KLF12: variants seen among roughly 807,000 people sequenced by gnomAD.
The protein encoded by KLF12 is Krueppel-like factor 12.
A neutral mutation model predicts 37.8 loss-of-function variants in KLF12; 9 were observed. That is an observed-to-expected ratio of 0.24 (90% CI 0.14 to 0.42). KLF12 has a LOEUF of 0.42. Ranked by LOEUF, KLF12 falls within the 10% of genes least tolerant of loss-of-function variation. The pLI is 1.00. For missense variants in KLF12, 411 were observed against 516.0 expected (o/e 0.80, Z 1.97); for synonymous variants, 208 against 202.1 (o/e 1.03, Z -0.25).
In KLF12 at chr13:73,714,760, C is replaced by T. The variant is rs537054710; in HGVS notation, c.1027+608G>A. ...TAAGTGCAGAGTCACCAGTTCATTT[C>T]CTAGATGGATGGGGGAACAGTGGCA... is the stretch of plus-strand genomic sequence containing the variant. On this transcript the variant is annotated intron_variant, in intron 7 of 7. Transcript: ENST00000377669. Among the ~76,000 whole-genome samples the T allele has an allele frequency of 3.3e-5, 5 of 152,138 alleles. No individual in the cohort carries two copies. In the South Asian group the frequency reaches 1.0e-3, roughly 32 times the overall value.
At chr13:73,738,188 A>G (rs973002211) in intron 6 of KLF12, among the ~76,000 whole-genome samples, 11 of 136,810 alleles carry the variant, frequency 8.0e-5, no homozygotes, top group Non-Finnish European at 3.1e-5. Context: ...TCTGTCACCC[A>G]GGCTAGAGTG....
chr13:74,047,614 AAC>A (rs1208873753), intron 1 of KLF12, among the ~76,000 whole-genome samples: 1 of 128,244 alleles, frequency 7.8e-6, no homozygotes, highest in Non-Finnish European at 1.7e-5. Flanking sequence ...AAAAAAAAAA[AAC>A]TTTATGATGG....
chr13:74,238,011 T>G, the KLF12 span, among the ~76,000 whole-genome samples: 1 of 149,154 alleles, frequency 6.7e-6, no homozygotes, highest in Non-Finnish European at 1.5e-5. Context: ...CATCCCTGCC[T>G]TGTGCCAGTT....
intron 3 of KLF12, among the ~76,000 whole-genome samples, chr13:73,885,098 C>T (rs1887159587): frequency 6.6e-6 from 1 of 152,214 alleles, no homozygotes; most frequent in Non-Finnish European, 1.5e-5. Context: ...CATGTCAATA[C>T]GTCATTCACT....
At chr13:74,217,614 C>A in the KLF12 span, among the ~76,000 whole-genome samples, 1 of 152,248 alleles carries the variant, frequency 6.6e-6, no homozygotes, top group South Asian at 2.1e-4. Flanking sequence ...GTTATCCCAG[C>A]TACTCAGGAG....
chr13:73,793,250 T>G (rs1172049686), intron 5 of KLF12, among the ~76,000 whole-genome samples: 1 of 152,230 alleles, frequency 6.6e-6, no homozygotes, highest in Non-Finnish European at 1.5e-5. Flanking sequence ...TGGTCAGATG[T>G]GTGTGCGGTC....
chr13:74,006,378 G>C (rs1892408282), intron 1 of KLF12, among the ~76,000 whole-genome samples: 1 of 152,074 alleles, frequency 6.6e-6, no homozygotes, highest in African/African-American at 2.4e-5. Context: ...CTCTGTGTTT[G>C]ATCTCCTAAA....
chr13:74,103,415 C>T (rs1429444225), intron 1 of KLF12, among the ~76,000 whole-genome samples: 1 of 152,156 alleles, frequency 6.6e-6, no homozygotes, highest in Admixed American at 6.5e-5. Flanking sequence ...CAAGAAATAT[C>T]ATCAGCAGTG....
At chr13:74,014,392 G>C (rs987806414) in intron 1 of KLF12, among the ~76,000 whole-genome samples, 6 of 152,186 alleles carry the variant, frequency 3.9e-5, no homozygotes, top group African/African-American at 1.4e-4. Flanking sequence ...AAGCACAGTA[G>C]TTCCTGCAAA....
intron 2 of KLF12, among the ~76,000 whole-genome samples, chr13:73,962,263 A>G (rs903008496): frequency 5.3e-5 from 8 of 152,360 alleles, no homozygotes; most frequent in African/African-American, 1.7e-4. Context: ...TTTCAACTCT[A>G]TGACATTTTG....
intron 2 of KLF12, among the ~76,000 whole-genome samples, chr13:73,979,509 T>G (rs1216834243): frequency 6.6e-6 from 1 of 151,746 alleles, no homozygotes; most frequent in Non-Finnish European, 1.5e-5. Flanking sequence ...ACTCAGAAAT[T>G]TTAAGAAAAA....
rs200541651 is a variant in KLF12 at position 73,715,490 on chromosome 13, C to A, written c.905G>T (p.Arg302Leu). 253 of 1,613,974 alleles carry A rather than the reference C, an allele frequency of 1.6e-4. No individual in the cohort carries two copies. The African/African-American group carries it at 2.8e-3, about 18-fold the overall frequency. Residue 302 changes from arginine (R) to leucine (L), a missense_variant, in exon 7 of 8, where the codon CGC (arginine) becomes CTC (leucine). By Grantham distance (102) the Arg-to-Leu change is moderately radical. Around this residue, in one of 2 missense-constraint regions of KLF12, gnomAD observed 351 missense variants for 397.8 expected, o/e 0.88. Coordinates refer to ENST00000377669, the MANE Select transcript of KLF12 (RefSeq NM_007249.5). Reference sequence around the variant, plus strand: ...GTCTGGGGATTCAGACCGTCTCTGGCGTCTTGTGCTCTCAATACTAAATGG... The same window carrying A: ...GTCTGGGGATTCAGACCGTCTCTGGAGTCTTGTGCTCTCAATACTAAATGG...
At chr13:74,202,315 G>A in the KLF12 span, among the ~76,000 whole-genome samples, 2 of 152,044 alleles carry the variant, frequency 1.3e-5, no homozygotes, top group South Asian at 4.1e-4. Flanking sequence ...GTTTTGGCCA[G>A]GACAGTATCC....
intron 5 of KLF12, among the ~76,000 whole-genome samples, chr13:73,788,761 TAGAC>T (rs1320737647): frequency 1.6e-4 from 24 of 152,158 alleles, no homozygotes; most frequent in African/African-American, 5.8e-4. Flanking sequence ...AGTAAGTAGC[TAGAC>T]AAACGGGACT....
chr13:73,723,749 A>AAG (rs1354020687), intron 6 of KLF12, among the ~76,000 whole-genome samples: 1 of 152,200 alleles, frequency 6.6e-6, no homozygotes, highest in Non-Finnish European at 1.5e-5. Context: ...CTCAAGAGTG[A>AAG]AGAGTCTTAT....
chr13:74,134,060 C>T (rs529912340), upstream of KLF12, among the ~76,000 whole-genome samples: 875 of 151,804 alleles, frequency 5.8e-3, 8 homozygotes, highest in Non-Finnish European at 8.4e-3. Context: ...GGAGCCTCGC[C>T]AGGCCCGCAT....
intron 4 of KLF12, among the ~76,000 whole-genome samples, chr13:73,823,854 G>A (rs1487709796): frequency 1.3e-5 from 2 of 152,052 alleles, no homozygotes; most frequent in African/African-American, 2.4e-5. Flanking sequence ...GGGATTACAG[G>A]TGCATGCCAC....
intron 6 of KLF12, among the ~76,000 whole-genome samples, chr13:73,747,844 T>G (rs1878477530): frequency 6.6e-6 from 1 of 152,234 alleles, no homozygotes; most frequent in South Asian, 2.1e-4. Flanking sequence ...CCCTACTCTA[T>G]TCTTTCTCTT....
chr13:73,933,542 G>T (rs978098833), intron 3 of KLF12, among the ~76,000 whole-genome samples: 3 of 152,114 alleles, frequency 2.0e-5, no homozygotes, highest in African/African-American at 4.8e-5. Flanking sequence ...GGACTGGCAT[G>T]GCTAAACACG....
Sources: allele counts gnomAD v4.1 joint callset (sites outside exome capture counted in the v4.1 genomes callset), GRCh38; gene constraint gnomAD v4.1.1; regional missense constraint gnomAD v4.1.1; transcripts MANE v1.5; gene names NCBI Gene and HGNC (gene_info 2026-07-23, HGNC 2026-07-21).